Variants in PPARGC1A observed in about 807,000 individuals in gnomAD.
PPARGC1A encodes peroxisome proliferator-activated receptor gamma coactivator 1-alpha.
A neutral mutation model predicts 88.7 loss-of-function variants in PPARGC1A; 25 were observed. The ratio of observed to expected loss-of-function variants is 0.28; its 90% CI spans 0.21 to 0.39. The LOEUF (loss-of-function observed/expected upper bound fraction) is 0.39. PPARGC1A is among the 10% of genes least tolerant of loss of function. The pLI, the probability that PPARGC1A is intolerant of heterozygous loss-of-function variation, is 1.00. For missense variants in PPARGC1A, 880 were observed against 968.7 expected, an observed-to-expected ratio of 0.91 and a Z score of 1.22; for synonymous variants, 363 against 355.6, an observed-to-expected ratio of 1.02 and a Z score of -0.24.
At chr4:24,063,907 T>C in the PPARGC1A span, among the ~76,000 whole-genome samples, 1 of 152,152 alleles carries the variant, frequency 6.6e-6, no homozygotes, top group African/African-American at 2.4e-5. Flanking sequence ...ATAACGCTGA[T>C]ATGGATCTGT....
At chr4:24,202,649 C>T in the PPARGC1A span, among the ~76,000 whole-genome samples, 1 of 152,244 alleles carries the variant, frequency 6.6e-6, no homozygotes, top group South Asian at 2.1e-4. Context: ...TCTCTTCTTC[C>T]TTTGCCCTCT....
intron 2 of PPARGC1A, among the ~76,000 whole-genome samples, chr4:23,864,356 C>G (rs1731771708): frequency 6.6e-6 from 1 of 152,208 alleles, no homozygotes; most frequent in African/African-American, 2.4e-5. Flanking sequence ...AAGGGAATCC[C>G]AAGCCCATAT....
chr4:24,293,766 C>T, the PPARGC1A span, among the ~76,000 whole-genome samples: 2 of 151,462 alleles, frequency 1.3e-5, no homozygotes, highest in East Asian at 4.0e-4. Flanking sequence ...CATCCCCTTG[C>T]TTCAAATTCT....
At chr4:24,104,790 C>T in the PPARGC1A span, among the ~76,000 whole-genome samples, 4 of 152,140 alleles carry the variant, frequency 2.6e-5, no homozygotes, top group African/African-American at 9.7e-5. Flanking sequence ...GCCCAGTAAA[C>T]CCTGAGGAAA....
At chr4:24,416,022 A>T in the PPARGC1A span, among the ~76,000 whole-genome samples, 2 of 152,162 alleles carry the variant, frequency 1.3e-5, no homozygotes, top group African/African-American at 4.8e-5. Flanking sequence ...TTTTTTAAAA[A>T]TTACCTTGGG....
chr4:24,118,191 G>A, the PPARGC1A span, among the ~76,000 whole-genome samples: 1 of 152,080 alleles, frequency 6.6e-6, no homozygotes, highest in African/African-American at 2.4e-5. Context: ...CGGTCAATGA[G>A]CTACACAGGC....
At chr4:24,444,759 G>A in the PPARGC1A span, among the ~76,000 whole-genome samples, 9 of 152,130 alleles carry the variant, frequency 5.9e-5, no homozygotes, top group Admixed American at 4.6e-4. Flanking sequence ...GTATCTGCTT[G>A]AAAGAACAAA....
chr4:24,230,420 G>T, the PPARGC1A span, among the ~76,000 whole-genome samples: 26,202 of 152,016 alleles, frequency 0.17, 2,379 homozygotes, highest in Non-Finnish European at 0.19. Flanking sequence ...CATCTTATAT[G>T]GATGCTTCAT....
chr4:23,850,663 G>A (rs773176034), intron 2 of PPARGC1A, among the ~76,000 whole-genome samples: 2 of 152,246 alleles, frequency 1.3e-5, no homozygotes, highest in African/African-American at 2.4e-5. Context: ...TCATTGATAC[G>A]CTCTTGCTGT....
chr4:23,874,298 C>T (rs1714223413), intron 2 of PPARGC1A, among the ~76,000 whole-genome samples: 2 of 152,172 alleles, frequency 1.3e-5, no homozygotes, highest in Admixed American at 1.3e-4. Context: ...CTGATGAAGT[C>T]CAAATGCCAC....
At chr4:24,242,206 G>A in the PPARGC1A span, among the ~76,000 whole-genome samples, 1 of 152,130 alleles carries the variant, frequency 6.6e-6, no homozygotes, top group Non-Finnish European at 1.5e-5. Flanking sequence ...CTCCACCTGA[G>A]GCTCTCACTT....
At position 23,838,335 on chromosome 4, in the gene PPARGC1A, G is replaced by A. The variant is rs566632632; in HGVS notation, c.235-6584C>T. On this transcript the variant is annotated intron_variant, in intron 2 of 12. Coordinates refer to ENST00000264867, the MANE Select transcript of PPARGC1A (RefSeq NM_013261.5). ...TTCTCACACACCCAACCAAAAGTGGGCGGACTCCCACATGTAATGACTGAG... is the reference window on the plus strand; with the variant it reads ...TTCTCACACACCCAACCAAAAGTGGACGGACTCCCACATGTAATGACTGAG... Among the ~76,000 whole-genome samples, 7 of 152,246 alleles carry A rather than the reference G, an allele frequency of 4.6e-5. No homozygotes were observed. In the South Asian group the frequency reaches 1.2e-3, roughly 27 times the overall value.
At chr4:24,397,207 T>A in the PPARGC1A span, among the ~76,000 whole-genome samples, 1 of 152,156 alleles carries the variant, frequency 6.6e-6, no homozygotes, top group Non-Finnish European at 1.5e-5. Context: ...CTGACAATAT[T>A]ACAAAACTTA....
At chr4:23,801,255 A>C (rs1169240437) in intron 12 of PPARGC1A, among the ~76,000 whole-genome samples, 2 of 152,042 alleles carry the variant, frequency 1.3e-5, no homozygotes, top group Non-Finnish European at 2.9e-5. Context: ...ACCTGCATAC[A>C]TACACACACA....
At chr4:24,058,536 T>C in the PPARGC1A span, among the ~76,000 whole-genome samples, 4 of 152,180 alleles carry the variant, frequency 2.6e-5, no homozygotes, top group Non-Finnish European at 5.9e-5. Flanking sequence ...AGCCATTGAT[T>C]TGTGGCCCCC....
chr4:24,084,167 G>A, the PPARGC1A span, among the ~76,000 whole-genome samples: 36 of 152,288 alleles, frequency 2.4e-4, no homozygotes, highest in Non-Finnish European at 4.1e-4. Flanking sequence ...TCCAGTATGT[G>A]GAGCTCACTA....
At chr4:24,169,566 TA>T in the PPARGC1A span, among the ~76,000 whole-genome samples, 254 of 145,880 alleles carry the variant, frequency 1.7e-3, 1 homozygote, top group African/African-American at 4.2e-3. Flanking sequence ...AAAGTTTATT[TA>T]AAAAAAAAAA....
chr4:24,226,404 G>C, the PPARGC1A span, among the ~76,000 whole-genome samples: 8 of 152,284 alleles, frequency 5.3e-5, no homozygotes, highest in Non-Finnish European at 7.4e-5. Context: ...CTGGGGAAAG[G>C]CTGTTCACCA....
At chr4:24,142,727 A>G in the PPARGC1A span, among the ~76,000 whole-genome samples, 9 of 152,110 alleles carry the variant, frequency 5.9e-5, no homozygotes, top group Admixed American at 5.2e-4. Context: ...AAGATCTCAC[A>G]GAGATGATAG....
Sources: gnomAD v4.1 joint callset for allele counts (sites outside exome capture counted in the v4.1 genomes callset) on GRCh38, gnomAD v4.1.1 for gene constraint, MANE v1.5 for transcripts, NCBI Gene and HGNC (gene_info 2026-07-23, HGNC 2026-07-21) for gene names.